The following C4orf50 variants were observed in gnomAD, a reference collection of about 807,000 sequenced individuals.
C4orf50 encodes the protein uncharacterized protein C4orf50.
Under a neutral mutation model 77.2 loss-of-function variants are expected in C4orf50, and 80 were observed. That is an observed-to-expected ratio of 1.04 (90% confidence interval 0.87 to 1.25). The LOEUF is 1.25. Ranked by LOEUF, C4orf50 falls within the 50% of genes most tolerant of loss-of-function variation. The probability of loss-of-function intolerance (pLI) is 0.00; values close to 1 mark genes in which losing one functional copy is unlikely to be tolerated. For synonymous variants in C4orf50, 532 were observed against 465.3 expected, an observed-to-expected ratio of 1.14 and a Z score of -1.84; for missense variants, 1,257 against 1,152.9, an observed-to-expected ratio of 1.09 and a Z score of -1.31.
At chr4:5,941,116 ATCT>A (rs1335181857) in intron 7 of C4orf50, among the ~76,000 whole-genome samples, 1 of 152,208 alleles carries the variant, frequency 6.6e-6, no homozygotes, top group Non-Finnish European at 1.5e-5. Context: ...ACTCAATCAT[ATCT>A]AATTTATCTT....
intron 7 of C4orf50, among the ~76,000 whole-genome samples, chr4:5,942,871 C>T (rs1032245136): frequency 2.6e-5 from 4 of 152,138 alleles, no homozygotes; most frequent in Non-Finnish European, 2.9e-5. Flanking sequence ...AGCCTGGATG[C>T]GTAAGGATAA....
intron 25 of C4orf50, among the ~76,000 whole-genome samples, chr4:5,999,878 A>G (rs1443937229): frequency 6.6e-6 from 1 of 152,182 alleles, no homozygotes; most frequent in Non-Finnish European, 1.5e-5. Context: ...GGTGGGCACT[A>G]GAAGCTTCCA....
chr4:5,917,406 C>CTTTTTTTT (rs34928524), intron 7 of C4orf50, among the ~76,000 whole-genome samples: 26 of 86,418 alleles, frequency 3.0e-4, no homozygotes, highest in Non-Finnish European at 5.1e-4. Flanking sequence ...TCCTGTATTT[C>CTTTTTTTT]TTTTTTTTTT....
At chr4:5,980,436 T>A in intron 28 of C4orf50, 98 bp from the exon 7 acceptor site, 1 of 1,163,586 alleles carries the variant, frequency 8.6e-7, no homozygotes, top group East Asian at 2.8e-5. Context: ...CCGTAGTTTT[T>A]TTTTTTGTTG....
chr4:5,980,224 G>A lies in C4orf50; in HGVS notation c.3814C>T (p.Gln1272Ter), dbSNP rs1232209882. 1.9e-6 allele frequency: 3 copies of A among 1,610,660 alleles called. No homozygotes were observed. Among genetic ancestry groups the A allele is most frequent in the East Asian group, 2.2e-5 (1 of 44,694 alleles). The change falls in exon 29 of 34, where the codon CAG (glutamine) becomes TAG (stop). Residue 1272 changes from glutamine (Q) to a stop codon, truncating the protein, a stop_gained. Transcript: ENST00000531445. LOFTEE classifies it high-confidence loss of function. ...CGGGTGGCCTCGTCCAGAGACGCCT[G>A]GTGGGCAGCGCCCTGGTCCCTGAGC...
intron 23 of C4orf50, among the ~76,000 whole-genome samples, chr4:6,016,869 T>C (rs1197808375): frequency 6.6e-6 from 1 of 152,088 alleles, no homozygotes; most frequent in Non-Finnish European, 1.5e-5. Context: ...CTTTACTAAA[T>C]CAAAGGCAAG....
At chr4:5,935,317 G>A (rs923025767) in intron 7 of C4orf50, among the ~76,000 whole-genome samples, 1 of 152,206 alleles carries the variant, frequency 6.6e-6, no homozygotes, top group East Asian at 1.9e-4. Flanking sequence ...CCCAGTAACA[G>A]GGGGAATTAG....
chr4:5,945,896 C>T (rs1390764523), intron 7 of C4orf50, among the ~76,000 whole-genome samples: 1 of 152,166 alleles, frequency 6.6e-6, no homozygotes, highest in African/African-American at 2.4e-5. Flanking sequence ...CCCCAGGAGG[C>T]TGACCCCAAG....
At chr4:5,917,151 T>C (rs1279634974) in intron 7 of C4orf50, among the ~76,000 whole-genome samples, 1 of 152,148 alleles carries the variant, frequency 6.6e-6, no homozygotes, top group African/African-American at 2.4e-5. Flanking sequence ...CCCACTGTTA[T>C]AGATGAGGAA....
In C4orf50 at chr4:5,992,652, A is replaced by T. The variant is rs1447214797; in HGVS notation, c.1221+151T>A. Among the ~76,000 whole-genome samples, 4 of 150,774 alleles carry T rather than the reference A, an allele frequency of 2.7e-5. No individual in the cohort carries two copies. In the East Asian group the frequency reaches 6.0e-4, roughly 23 times the overall value. ...AGGATGTTTCATTTCCTCTCCTCAAATCTCTCTCTCAACTACTTCCAGAAT... is the reference window on the plus strand; with the variant it reads ...AGGATGTTTCATTTCCTCTCCTCAATTCTCTCTCTCAACTACTTCCAGAAT... On this transcript the variant is annotated intron_variant, in intron 27 of 33. Transcript: ENST00000531445. The surrounding 1 kb of genome is among the most constrained non-coding windows in gnomAD (Gnocchi z 5.0).
downstream of C4orf50, among the ~76,000 whole-genome samples, chr4:5,954,892 G>A (rs955642287): frequency 1.1e-4 from 17 of 152,100 alleles, no homozygotes; most frequent in African/African-American, 3.4e-4. This position sits in a 1 kb window ranked among gnomAD's most constrained non-coding sequence, Gnocchi z 4.7. Context: ...TTCAGCAGCC[G>A]CAGGCATTGA....
intron 27 of C4orf50, among the ~76,000 whole-genome samples, chr4:5,991,951 G>A (rs992114146): frequency 2.6e-5 from 4 of 152,158 alleles, no homozygotes; most frequent in Non-Finnish European, 5.9e-5. Flanking sequence ...AGACACCAAG[G>A]CACTGTCCCA....
rs767514449 is a variant in C4orf50 at position 5,938,606 on chromosome 4, TCA to T, written c.*2474+18293_*2474+18294del. Among the ~76,000 whole-genome samples, 71 of 152,128 alleles carry T rather than the reference TCA, an allele frequency of 4.7e-4. 1 individual carries two copies. Among genetic ancestry groups the T allele is most frequent in the Admixed American group, 3.5e-3 (54 of 15,272 alleles). On this transcript the variant is annotated intron_variant, in intron 7 of 7. Transcript: ENST00000324058. ...GGCCATTTTTTTTTCTCCCTGGGCCTCAGTTTCCTCAAATGAGATGGATGAGC... is the reference window on the plus strand; with the variant it reads ...GGCCATTTTTTTTTCTCCCTGGGCCTGTTTCCTCAAATGAGATGGATGAGC...
intron 7 of C4orf50, among the ~76,000 whole-genome samples, chr4:5,949,707 C>T (rs1052023714): frequency 2.0e-5 from 3 of 152,166 alleles, no homozygotes; most frequent in Non-Finnish European, 2.9e-5. Flanking sequence ...TTAAAATGGG[C>T]TGGGCCCAGT....
chr4:5,960,927 C>T (rs1719239498), intron 33 of C4orf50, among the ~76,000 whole-genome samples: 1 of 152,114 alleles, frequency 6.6e-6, no homozygotes, highest in South Asian at 2.1e-4. Flanking sequence ...GTGGGTGGCT[C>T]ACCTGAGGTC....
intron 25 of C4orf50, among the ~76,000 whole-genome samples, chr4:6,001,341 G>A (rs1290357407): frequency 6.6e-6 from 1 of 152,140 alleles, no homozygotes; most frequent in Non-Finnish European, 1.5e-5. Context: ...GTAGAGACAG[G>A]GTTTCACCAT....
At chr4:5,928,453 G>A (rs537817417) in intron 7 of C4orf50, among the ~76,000 whole-genome samples, 4 of 152,238 alleles carry the variant, frequency 2.6e-5, no homozygotes, top group East Asian at 1.9e-4. Flanking sequence ...AAGGGAGTTC[G>A]TGGAGCAGAT....
intron 28 of C4orf50, 65 bp from the exon 7 acceptor site, chr4:5,980,403 C>A: frequency 1.4e-6 from 2 of 1,465,862 alleles, no homozygotes; most frequent in East Asian, 5.0e-5. Flanking sequence ...CCTTAGCCAA[C>A]AAACGGTACC....
intron 28 of C4orf50, among the ~76,000 whole-genome samples, chr4:5,981,508 G>A (rs1466992168): frequency 6.6e-6 from 1 of 150,738 alleles, no homozygotes; most frequent in Non-Finnish European, 1.5e-5. Context: ...AGGTTCAAGC[G>A]ATTCTCCTGC....
Sources: gnomAD v4.1 joint callset for allele counts (sites outside exome capture counted in the v4.1 genomes callset) on GRCh38, gnomAD v4.1.1 for gene constraint, Gnocchi (gnomAD v3.1) non-coding constraint, MANE v1.5 for transcripts, NCBI Gene and HGNC (gene_info 2026-07-23, HGNC 2026-07-21) for gene names.